CHIC2: variants seen among roughly 807,000 people sequenced by gnomAD.
CHIC2 encodes cysteine-rich hydrophobic domain-containing protein 2.
A neutral mutation model predicts 25.9 loss-of-function variants in CHIC2; 14 were observed. The ratio of observed to expected loss-of-function variants is 0.54; its 90% CI spans 0.36 to 0.85. The LOEUF (loss-of-function observed/expected upper bound fraction) is 0.85, where lower values mean the gene tolerates loss of function less well. CHIC2 is among the 40% of genes least tolerant of loss of function. The pLI is 0.01. For synonymous variants in CHIC2, 70 were observed against 72.0 expected (o/e 0.97, Z 0.14); for missense variants, 146 against 202.0 (o/e 0.72, Z 1.68).
At chr4:54,032,260 T>TC (rs1716250673) in intron 3 of CHIC2, among the ~76,000 whole-genome samples, 2 of 139,788 alleles carry the variant, frequency 1.4e-5, no homozygotes, top group African/African-American at 2.7e-5. Flanking sequence ...GTGTATCCTC[T>TC]CCCTCCCCCT....
intron 5 of CHIC2, 133 bp downstream of exon 5, chr4:54,013,704 G>T: frequency 1.3e-6 from 1 of 777,650 alleles, no homozygotes; most frequent in Non-Finnish European, 2.1e-6. Context: ...TCTGTGAACC[G>T]TAGAAAATCC....
chr4:54,019,756 C>T (rs1241474976), intron 3 of CHIC2, among the ~76,000 whole-genome samples: 1 of 152,044 alleles, frequency 6.6e-6, no homozygotes, highest in Non-Finnish European at 1.5e-5. Context: ...GACCTATTTC[C>T]ACTAAGCAAT....
intron 3 of CHIC2, among the ~76,000 whole-genome samples, chr4:54,028,598 T>C (rs975822898): frequency 4.6e-5 from 7 of 152,270 alleles, no homozygotes; most frequent in African/African-American, 7.2e-5. Flanking sequence ...TAGGGTGTTA[T>C]GAAGATTAAA....
the CHIC2 span, among the ~76,000 whole-genome samples, chr4:54,084,475 C>T: frequency 4.1e-5 from 6 of 147,784 alleles, no homozygotes; most frequent in South Asian, 1.3e-3. Context: ...ACTAACTTGT[C>T]TGATCTCAGA....
chr4:54,084,959 C>CAAA, the CHIC2 span, among the ~76,000 whole-genome samples: 226 of 58,870 alleles, frequency 3.8e-3, 5 homozygotes, highest in African/African-American at 0.014. Context: ...TGCTCTGTCT[C>CAAA]AAAAAAAAAA....
At chr4:54,076,637 T>G in the CHIC2 span, 1 of 152,220 alleles carries the variant, frequency 6.6e-6, no homozygotes, top group Non-Finnish European at 1.5e-5. Context: ...TTCCAGTGTT[T>G]TGAAGAAATT....
At chr4:54,059,637 A>AT (rs1263174174) in intron 1 of CHIC2, 1 of 151,968 alleles carries the variant, frequency 6.6e-6, no homozygotes, top group African/African-American at 2.4e-5. Context: ...ACCAGATTTC[A>AT]TTTTTTAAAA....
Position 54,049,313 on chromosome 4 carries a change from A to T in CHIC2, c.120-8T>A, listed in dbSNP as rs760689747. The T allele has an allele frequency of 1.3e-6, 2 of 1,546,384 alleles. No individual in the cohort carries two copies. Among genetic ancestry groups the T allele is most frequent in the Non-Finnish European group, 1.8e-6 (2 of 1,130,474 alleles). On this transcript the variant is annotated splice_polypyrimidine_tract_variant and splice_region_variant and intron_variant, in intron 1 of 5. Coordinates refer to ENST00000263921, the MANE Select transcript of CHIC2 (RefSeq NM_012110.4). ...TTGTTGCTCAGTCCAAATCTATTTT[A>T]AAAAATAAGAAGAATATGTTATTAC...
intron 3 of CHIC2, among the ~76,000 whole-genome samples, chr4:54,032,422 C>T (rs1346138839): frequency 6.6e-6 from 1 of 151,832 alleles, no homozygotes; most frequent in Admixed American, 6.6e-5. Context: ...CGCGCCGCCA[C>T]GCCTGACTGG....
intron 1 of CHIC2, among the ~76,000 whole-genome samples, chr4:54,057,761 A>C (rs1717219520): frequency 6.6e-6 from 1 of 152,218 alleles, no homozygotes; most frequent in African/African-American, 2.4e-5. Context: ...CTGATAATCA[A>C]AGATTAAGCA....
the CHIC2 span, among the ~76,000 whole-genome samples, chr4:54,084,853 G>A: frequency 2.0e-5 from 3 of 151,036 alleles, no homozygotes; most frequent in South Asian, 2.1e-4. Flanking sequence ...TCAGCTACTC[G>A]GGAGGCTGAC....
the CHIC2 span, among the ~76,000 whole-genome samples, chr4:54,071,886 T>C: frequency 9.2e-3 from 1,396 of 152,292 alleles, 13 homozygotes; most frequent in African/African-American, 0.032. Context: ...GTGTACACAT[T>C]TGGTTCAAAA....
chr4:54,069,178 C>T (rs1368854014), upstream of CHIC2, among the ~76,000 whole-genome samples: 1 of 152,100 alleles, frequency 6.6e-6, no homozygotes, highest in Non-Finnish European at 1.5e-5. Flanking sequence ...CAGGCATGCA[C>T]CACCACATCC....
At chr4:54,070,381 ATTATTTATTTAT>A in the CHIC2 span, among the ~76,000 whole-genome samples, 56 of 150,218 alleles carry the variant, frequency 3.7e-4, no homozygotes, top group East Asian at 1.9e-3. Context: ...GTGCATTTTT[ATTATTTATTTAT>A]TTATTTATTT....
intron 1 of CHIC2, among the ~76,000 whole-genome samples, chr4:54,056,155 A>T (rs1459307276): frequency 6.6e-6 from 1 of 152,184 alleles, no homozygotes; most frequent in African/African-American, 2.4e-5. Context: ...TTAAGGTTAT[A>T]ATTTCCATTA....
At chr4:54,058,952 C>G (rs1717255340) in intron 1 of CHIC2, among the ~76,000 whole-genome samples, 2 of 152,086 alleles carry the variant, frequency 1.3e-5, no homozygotes, top group South Asian at 4.1e-4. Context: ...ATTTTAAGTA[C>G]TAATCAATTT....
intron 3 of CHIC2, among the ~76,000 whole-genome samples, chr4:54,028,156 C>T (rs1434579063): frequency 6.6e-6 from 1 of 152,098 alleles, no homozygotes; most frequent in Non-Finnish European, 1.5e-5. Flanking sequence ...TATAATAATG[C>T]TTGGATATTG....
chr4:54,024,709 A>G (rs1716003320), intron 3 of CHIC2, among the ~76,000 whole-genome samples: 2 of 152,146 alleles, frequency 1.3e-5, no homozygotes, highest in South Asian at 4.1e-4. Context: ...TTCGCCAACC[A>G]AGCAAGTAAT....
intron 3 of CHIC2, among the ~76,000 whole-genome samples, chr4:54,019,775 T>C (rs963342323): frequency 6.6e-6 from 1 of 152,044 alleles, no homozygotes; most frequent in Non-Finnish European, 1.5e-5. Context: ...ATCATCCCAC[T>C]CGGTCTCAAA....
Sources: gnomAD v4.1 joint callset for allele counts (sites outside exome capture counted in the v4.1 genomes callset) on GRCh38, gnomAD v4.1.1 for gene constraint, MANE v1.5 for transcripts, NCBI Gene and HGNC (gene_info 2026-07-23, HGNC 2026-07-21) for gene names.